The following SH3YL1 variants were observed in gnomAD, a reference collection of about 807,000 sequenced individuals.
SH3YL1 encodes the protein SH3 and SYLF domain containing 1.
A neutral mutation model predicts 45.8 loss-of-function variants in SH3YL1; 41 were observed. The observed-to-expected ratio is 0.89, with a 90% CI of 0.70 to 1.16. The LOEUF is 1.16. Among genes scored for constraint, SH3YL1 ranks in the 50% most tolerant of loss-of-function variants. The probability of loss-of-function intolerance (pLI) is 0.00; values close to 1 mark genes in which losing one functional copy is unlikely to be tolerated. For missense variants in SH3YL1, 389 were observed against 409.6 expected (o/e 0.95, Z 0.43); for synonymous variants, 152 against 151.4 (o/e 1.00, Z -0.03).
chr2:246,792 G>A (rs939548707), intron 4 of SH3YL1, among the ~76,000 whole-genome samples: 1 of 151,958 alleles, frequency 6.6e-6, no homozygotes, highest in Non-Finnish European at 1.5e-5. Flanking sequence ...CAGTGAGTAA[G>A]AAAGATTGAA....
At chr2:244,452 C>G (rs1668693996) in intron 4 of SH3YL1, among the ~76,000 whole-genome samples, 1 of 151,178 alleles carries the variant, frequency 6.6e-6, no homozygotes, top group South Asian at 2.1e-4. Flanking sequence ...GCTGAGATTG[C>G]TCCACTGCAC....
chr2:255,062 C>A (rs564695887), intron 1 of SH3YL1, among the ~76,000 whole-genome samples: 1 of 152,202 alleles, frequency 6.6e-6, no homozygotes, highest in Non-Finnish European at 1.5e-5. Context: ...ATACTCAAAT[C>A]GCCTTGAGCA....
chr2:260,132 G>C (rs1002369135), intron 1 of SH3YL1: 1 of 152,070 alleles, frequency 6.6e-6, no homozygotes, highest in Non-Finnish European at 1.5e-5. Context: ...GATTCCTATT[G>C]CGAAACATGT....
chr2:251,988 T>C (rs1430213573), intron 2 of SH3YL1, among the ~76,000 whole-genome samples: 1 of 152,194 alleles, frequency 6.6e-6, no homozygotes, highest in Admixed American at 6.5e-5. Context: ...CTAACTGGCA[T>C]GAGACAAGTA....
At chr2:242,884 C>T (rs1668608445) in intron 4 of SH3YL1, 1 of 1,455,684 alleles carries the variant, frequency 6.9e-7, no homozygotes, top group Non-Finnish European at 9.1e-7. Flanking sequence ...TTATATCAAA[C>T]AACAAAAAAT....
At chr2:230,809 T>C in intron 7 of SH3YL1, 1 of 553,084 alleles carries the variant, frequency 1.8e-6, no homozygotes, top group Non-Finnish European at 3.2e-6. Context: ...GTTCCATCCT[T>C]GGAGAAATGC....
chr2:262,991 A>G (rs534793914), intron 1 of SH3YL1, among the ~76,000 whole-genome samples: 1 of 152,354 alleles, frequency 6.6e-6, no homozygotes, highest in South Asian at 2.1e-4. Flanking sequence ...AACCTCCAAC[A>G]TAGTAATTTG....
chr2:218,853 A>G lies in SH3YL1; in HGVS notation c.987T>C (p.Gly329=), dbSNP rs752089451. Reference sequence around the variant, plus strand: ...AGTTGGCTGGAAAAATGCCAGTTTGACCTCGAAGTTTTCCTTCCCACCAAT... The same window carrying G: ...AGTTGGCTGGAAAAATGCCAGTTTGGCCTCGAAGTTTTCCTTCCCACCAAT... ...HFDWWEGKLR[G]QTGIFPANYV... Residue 329 remains glycine (G), a synonymous_variant, in exon 10 of 10, where the codon GGT becomes GGC. Transcript: ENST00000356150. 16 of 1,613,844 alleles carry G rather than the reference A, an allele frequency of 9.9e-6. No homozygotes were observed. The South Asian group carries it at 1.8e-4, about 18-fold the overall frequency.
chr2:249,943 T>G, intron 2 of SH3YL1, 99 bp from the exon 3 acceptor site: 1 of 825,000 alleles, frequency 1.2e-6, no homozygotes, highest in Non-Finnish European at 2.0e-6. Flanking sequence ...AGAGGTTATC[T>G]CTAGGAATTC....
At chr2:237,733 C>T (rs2103033090) in intron 4 of SH3YL1, among the ~76,000 whole-genome samples, 1 of 152,094 alleles carries the variant, frequency 6.6e-6, no homozygotes, top group Middle Eastern at 3.4e-3. Context: ...GTGACAGATA[C>T]CCCAATCAGA....
Position 249,812 on chromosome 2 carries a change from T to A in SH3YL1, c.145A>T (p.Ile49Phe). 1.3e-6 allele frequency: 2 copies of A among 1,552,074 alleles called. No homozygotes were observed. The highest frequency in any genetic ancestry group is 1.7e-6 in the Non-Finnish European group (2 of 1,147,056). ...AACCCGGCTTTGATCACAGACAGAATTGCAAGGCCTTTAGCCTTCGCAATT... is the reference window on the plus strand; with the variant it reads ...AACCCGGCTTTGATCACAGACAGAAATGCAAGGCCTTTAGCCTTCGCAATT... Reference protein sequence around the residue: ...HVIAKAKGLAILSVIKAGFLV... With the variant: ...HVIAKAKGLAFLSVIKAGFLV... Residue 49 changes from isoleucine to phenylalanine, a missense_variant, in exon 3 of 10, where the codon ATT becomes TTT. By Grantham distance (21) the Ile-to-Phe change is conservative. Coordinates refer to ENST00000356150, the MANE Select transcript of SH3YL1 (RefSeq NM_015677.4).
chr2:252,517 T>C (rs1669114484), intron 2 of SH3YL1, among the ~76,000 whole-genome samples: 1 of 152,166 alleles, frequency 6.6e-6, no homozygotes. Context: ...CTGGTTTGCC[T>C]GGTCTGCAGC....
intron 4 of SH3YL1, among the ~76,000 whole-genome samples, chr2:246,077 C>T (rs13031676): frequency 0.3 from 45,255 of 151,326 alleles, 7,349 homozygotes; most frequent in East Asian, 0.56. Context: ...CGCCTGTAGT[C>T]CCAGCTACTC....
intron 4 of SH3YL1, among the ~76,000 whole-genome samples, chr2:235,585 CGGGCCAGGGGAGGCAGCAT>C (rs1668259202): frequency 7.3e-5 from 2 of 27,406 alleles, no homozygotes; most frequent in African/African-American, 3.5e-4. Context: ...GGCAGCAGCA[CGGGCCAGGGGAGGCAGCAT>C]GGGCCAGGGG....
chr2:255,122 C>T (rs1428763623), intron 1 of SH3YL1, among the ~76,000 whole-genome samples: 1 of 152,148 alleles, frequency 6.6e-6, no homozygotes, highest in Non-Finnish European at 1.5e-5. Flanking sequence ...TTAACCTTGA[C>T]AAAATAAACT....
At chr2:219,570 G>A (rs1667489782) in intron 9 of SH3YL1, among the ~76,000 whole-genome samples, 1 of 152,122 alleles carries the variant, frequency 6.6e-6, no homozygotes, top group Non-Finnish European at 1.5e-5. Context: ...CCAGAAGCGT[G>A]AGAAATAAAA....
chr2:228,210 G>A (rs1360982500), intron 8 of SH3YL1, among the ~76,000 whole-genome samples: 7 of 152,150 alleles, frequency 4.6e-5, no homozygotes, highest in South Asian at 2.1e-4. Context: ...CCTGTCCACC[G>A]GCAGGGACAC....
intron 4 of SH3YL1, chr2:242,732 TAACAACAACAAC>T (rs35468551): frequency 3.6e-6 from 5 of 1,403,658 alleles, no homozygotes; most frequent in Non-Finnish European, 4.7e-6. Flanking sequence ...AAAACAACAA[TAACAACAACAAC>T]AACAACATCC....
In SH3YL1 at chr2:233,181, C is replaced by A. The variant is rs753038620; in HGVS notation, c.453G>T (p.Thr151=). 6.3e-7 allele frequency: 1 copy of A among 1,595,320 alleles called. No homozygotes were observed. The highest frequency in any genetic ancestry group is 8.6e-7 in the Non-Finnish European group (1 of 1,169,078). Residue 151 remains threonine (T), a synonymous_variant, in exon 6 of 10, where the codon ACG becomes ACT. Transcript: ENST00000356150. ...VALRSSAAVF[T]YCKSRGLFAG... ...CAAAGAGTCCCCTTGACTTGCAGTA[C>A]GTGAAGACGGCAGCGGAGCTTCTCA...
Sources: allele counts gnomAD v4.1 joint callset (sites outside exome capture counted in the v4.1 genomes callset), GRCh38; gene constraint gnomAD v4.1.1; transcripts MANE v1.5; gene names NCBI Gene and HGNC (gene_info 2026-07-23, HGNC 2026-07-21).